The following PDE4D variants were observed in gnomAD, a reference collection of about 807,000 sequenced individuals.
PDE4D encodes phosphodiesterase 4D.
PDE4D carries 24 observed loss-of-function variants against 87.4 expected under a neutral mutation model. The observed-to-expected ratio is 0.27, with a 90% CI of 0.20 to 0.39. The LOEUF is 0.39. Ranked by LOEUF, PDE4D falls within the 10% of genes least tolerant of loss-of-function variation. The probability of loss-of-function intolerance (pLI) is 1.00; values close to 1 mark genes in which losing one functional copy is unlikely to be tolerated. For missense variants in PDE4D, 714 were observed against 1,041.0 expected (o/e 0.69, Z 4.32); for synonymous variants, 384 against 383.2 (o/e 1.00, Z -0.02).
In PDE4D at chr5:60,468,139, T is replaced by TTTTTTG. The variant is rs1554040613; in HGVS notation, c.-90+19802_-90+19803insCAAAAA. ...CATCCTAACTTTCTTTCTTTTTTCT[T>TTTTTTG]TTTTTTTTGTTTTTTTTGAGACAAG... On this transcript the variant is annotated intron_variant, in intron 1 of 16. Transcript: ENST00000502484. Among the ~76,000 whole-genome samples the TTTTTTG allele has an allele frequency of 3.5e-3, 510 of 145,508 alleles. 5 individuals carry two copies. The highest frequency in any genetic ancestry group is 0.013 in the African/African-American group (487 of 37,396).
chr5:59,460,670 A>C (rs1483860967), intron 1 of PDE4D, among the ~76,000 whole-genome samples: 1 of 152,152 alleles, frequency 6.6e-6, no homozygotes, highest in Admixed American at 6.5e-5. Flanking sequence ...TTCCTGGAAA[A>C]AGGGAGCTGC....
intron 2 of PDE4D, among the ~76,000 whole-genome samples, chr5:59,213,728 G>A (rs968602515): frequency 2.6e-5 from 4 of 151,846 alleles, no homozygotes; most frequent in African/African-American, 4.8e-5. Context: ...TGAATACAAC[G>A]CACCACTCAA....
At chr5:59,562,049 C>G (rs1820109717) in intron 1 of PDE4D, among the ~76,000 whole-genome samples, 1 of 152,192 alleles carries the variant, frequency 6.6e-6, no homozygotes, top group Non-Finnish European at 1.5e-5. Context: ...CTGCCTTCCT[C>G]CTGATACCAG....
intron 1 of PDE4D, among the ~76,000 whole-genome samples, chr5:60,257,732 T>A (rs1749239750): frequency 1.3e-5 from 2 of 151,972 alleles, no homozygotes; most frequent in African/African-American, 4.8e-5. Flanking sequence ...TCTGTCAATA[T>A]GAGTCCTCAA....
rs549649210 is a variant in PDE4D, at chr5:59,279,704, TAAAG to T, written c.456-63740_456-63737del. 1.9e-3 allele frequency among the ~76,000 whole-genome samples: 286 copies of T among 152,138 alleles called. 1 individual carries two copies. The highest frequency in any genetic ancestry group is 0.017 in the Middle Eastern group (5 of 292). ...GATGTGATAATAATAATTTCATACATAAAGAAAGTCAACAATTTGTTCAAAATTT... is the reference window on the plus strand; with the variant it reads ...GATGTGATAATAATAATTTCATACATAAAGTCAACAATTTGTTCAAAATTT... On this transcript the variant is annotated intron_variant, in intron 1 of 14. Transcript: ENST00000340635.
intron 1 of PDE4D, among the ~76,000 whole-genome samples, chr5:60,378,814 C>T (rs754501490): frequency 2.6e-5 from 4 of 151,936 alleles, no homozygotes; most frequent in Non-Finnish European, 5.9e-5. Flanking sequence ...GAGAGCACCA[C>T]TGCACTCCAG....
At chr5:60,479,376 AG>A (rs1748557734) in intron 1 of PDE4D, among the ~76,000 whole-genome samples, 2 of 152,188 alleles carry the variant, frequency 1.3e-5, no homozygotes, top group South Asian at 4.1e-4. Context: ...TGACAATCAC[AG>A]CTTCACCACC....
chr5:60,115,543 T>A (rs1377531205), intron 2 of PDE4D, among the ~76,000 whole-genome samples: 1 of 152,170 alleles, frequency 6.6e-6, no homozygotes, highest in Non-Finnish European at 1.5e-5. Context: ...TTCACTATCT[T>A]GTGTCTTTCA....
intron 1 of PDE4D, among the ~76,000 whole-genome samples, chr5:59,436,419 C>T (rs1796808269): frequency 6.6e-6 from 1 of 152,110 alleles, no homozygotes; most frequent in Admixed American, 6.6e-5. Flanking sequence ...GAGTTGAAAG[C>T]TTACATCCAA....
intron 1 of PDE4D, among the ~76,000 whole-genome samples, chr5:59,851,592 G>A (rs779012201): frequency 6.6e-6 from 1 of 151,810 alleles, no homozygotes; most frequent in Admixed American, 6.6e-5. Context: ...TATAATTAAG[G>A]TTACTAAACA....
intron 1 of PDE4D, among the ~76,000 whole-genome samples, chr5:59,251,148 A>C (rs1298988721): frequency 1.3e-5 from 2 of 152,342 alleles, no homozygotes; most frequent in African/African-American, 2.4e-5. Flanking sequence ...CACCAAAAGC[A>C]ATCACAATAA....
chr5:59,389,214 C>G (rs1177031893), intron 1 of PDE4D, among the ~76,000 whole-genome samples: 1 of 151,834 alleles, frequency 6.6e-6, no homozygotes, highest in South Asian at 2.1e-4. Flanking sequence ...ATTCTGTCTC[C>G]TTTTTCATTA....
chr5:59,423,513 A>G (rs1794767450), intron 1 of PDE4D, among the ~76,000 whole-genome samples: 1 of 152,178 alleles, frequency 6.6e-6, no homozygotes, highest in African/African-American at 2.4e-5. Context: ...GAGGAAAGAT[A>G]GAAAATATAT....
intron 2 of PDE4D, among the ~76,000 whole-genome samples, chr5:59,208,144 G>T (rs909083181): frequency 6.6e-6 from 1 of 152,110 alleles, no homozygotes; most frequent in African/African-American, 2.4e-5. Context: ...TCCAACCTGC[G>T]CAACAGAGTG....
At chr5:60,166,058 A>G (rs1432846040) in intron 2 of PDE4D, among the ~76,000 whole-genome samples, 1 of 152,052 alleles carries the variant, frequency 6.6e-6, no homozygotes, top group African/African-American at 2.4e-5. Flanking sequence ...CTTCCTTTGT[A>G]GTTACCATGA....
At chr5:60,360,322 C>G (rs1158807652) in intron 1 of PDE4D, among the ~76,000 whole-genome samples, 1 of 152,206 alleles carries the variant, frequency 6.6e-6, no homozygotes, top group Non-Finnish European at 1.5e-5. Context: ...GGAAGCATTA[C>G]CCCATTAACA....
At chr5:59,311,525 A>AAAC (rs1772628457) in intron 1 of PDE4D, among the ~76,000 whole-genome samples, 1 of 145,216 alleles carries the variant, frequency 6.9e-6, no homozygotes, top group African/African-American at 2.5e-5. Flanking sequence ...AAAAAAAAAA[A>AAAC]ACAGAAAAAG....
At chr5:59,833,336 G>T (rs866302641) in intron 1 of PDE4D, among the ~76,000 whole-genome samples, 2 of 152,050 alleles carry the variant, frequency 1.3e-5, no homozygotes, top group South Asian at 4.2e-4. Flanking sequence ...CCAGCCCCCA[G>T]CAAGGAGAGG....
At chr5:60,519,182 A>G (rs1459747566) in intron 1 of PDE4D, among the ~76,000 whole-genome samples, 4 of 152,230 alleles carry the variant, frequency 2.6e-5, no homozygotes, top group Admixed American at 2.6e-4. Context: ...TCAGCCTGAC[A>G]TTTAGACATT....
Sources: gnomAD v4.1 joint callset for allele counts (sites outside exome capture counted in the v4.1 genomes callset) on GRCh38, gnomAD v4.1.1 for gene constraint, MANE v1.5 for transcripts, NCBI Gene and HGNC (gene_info 2026-07-23, HGNC 2026-07-21) for gene names.